COG7: variants seen among roughly 807,000 people sequenced by gnomAD.
COG7 encodes component of oligomeric golgi complex 7, also known as conserved oligomeric Golgi complex subunit 7.
COG7 carries 49 observed loss-of-function variants against 91.5 expected under a neutral mutation model. That is an observed-to-expected ratio of 0.54 (90% CI 0.43 to 0.68). The LOEUF (loss-of-function observed/expected upper bound fraction) is 0.68. COG7 is among the 30% of genes least tolerant of loss of function. The pLI is 0.00. For missense variants in COG7, 895 were observed against 961.3 expected (o/e 0.93, Z 0.91); for synonymous variants, 365 against 388.7 (o/e 0.94, Z 0.72).
At chr16:23,397,955 C>A in intron 14 of COG7, 91 bp downstream of exon 14, 1 of 1,110,648 alleles carries the variant, frequency 9.0e-7, no homozygotes, top group Non-Finnish European at 1.4e-6. Flanking sequence ...AGATAGCACC[C>A]ATGGGGAAAT....
chr16:23,415,944 C>T (rs1460795765), intron 9 of COG7: 1 of 152,112 alleles, frequency 6.6e-6, no homozygotes, highest in Non-Finnish European at 1.5e-5. Flanking sequence ...CAAAATCTTC[C>T]CTTTTAGAGA....
chr16:23,394,328 T>C (rs906834244), intron 14 of COG7, among the ~76,000 whole-genome samples: 1 of 152,228 alleles, frequency 6.6e-6, no homozygotes, highest in Admixed American at 6.5e-5. Context: ...CTTGGTCATG[T>C]GTTTGTCAGA....
intron 1 of COG7, among the ~76,000 whole-genome samples, chr16:23,448,313 CTAA>C (rs1411887760): frequency 6.6e-6 from 1 of 152,174 alleles, no homozygotes; most frequent in Non-Finnish European, 1.5e-5. Context: ...GTGTGATTCT[CTAA>C]TAATAACACT....
At position 23,408,955 on chromosome 16, in the gene COG7, T is replaced by G. The variant is rs538534076; in HGVS notation, c.1475+1340A>C. Among the ~76,000 whole-genome samples, 37 of 151,542 alleles carry G rather than the reference T, an allele frequency of 2.4e-4. No individual in the cohort carries two copies. The East Asian group carries it at 7.2e-3, about 30-fold the overall frequency. ...AGCTTCAAGTCAAGAACAGCCTGGG[T>G]GTATCCAAGGGAGCTCCTGAAAGAG... On this transcript the variant is annotated intron_variant, in intron 11 of 16. Coordinates refer to ENST00000307149, the MANE Select transcript of COG7 (RefSeq NM_153603.4).
intron 16 of COG7, chr16:23,392,116 T>C: frequency 7.3e-7 from 1 of 1,362,800 alleles, no homozygotes; most frequent in Non-Finnish European, 9.5e-7. Context: ...CAGGACTCGC[T>C]GAATCTTATC....
chr16:23,406,177 T>C lies in COG7; in HGVS notation c.1561A>G (p.Lys521Glu), dbSNP rs1963457853. 1 of 1,614,068 alleles carries C rather than the reference T, an allele frequency of 6.2e-7. No individual in the cohort carries two copies. Among genetic ancestry groups the C allele is most frequent in the Non-Finnish European group, 8.5e-7 (1 of 1,179,922 alleles). ...CATGGGTTCTTGGCAGAGTTCTTCTTGTCTGTCAAGATGCTCTCCTGAAAA... is the reference window on the plus strand; with the variant it reads ...CATGGGTTCTTGGCAGAGTTCTTCTCGTCTGTCAAGATGCTCTCCTGAAAA... ...AGFQESILTD[K>E]KNSAKNPWQE... The change falls in exon 12 of 17, where the codon AAG (lysine) becomes GAG (glutamate). Residue 521 changes from lysine (K) to glutamate (E), a missense_variant. Transcript: ENST00000307149.
Position 23,445,969 on chromosome 16 carries a change from TAAAAAA to T in COG7, c.170-14_170-9del, listed in dbSNP as rs71379679. The T allele has an allele frequency of 2.0e-6, 3 of 1,491,840 alleles. No individual in the cohort carries two copies. The highest frequency in any genetic ancestry group is 3.9e-5 in the Admixed American group (2 of 51,152). 92.4% of individuals were successfully genotyped at this position (1,491,840 alleles called of 1,614,324 possible). ...GAGCTTGGTGACTTGTTTCTGTAGT[TAAAAAA>T]AAAAAAAAAAACAACAACAACAGCG... On this transcript the variant is annotated splice_polypyrimidine_tract_variant and intron_variant, in intron 1 of 16. Transcript: ENST00000307149.
intron 14 of COG7, among the ~76,000 whole-genome samples, chr16:23,397,106 C>G (rs30019): frequency 0.21 from 31,953 of 151,934 alleles, 3,574 homozygotes; most frequent in East Asian, 0.29. Flanking sequence ...GCGGGGTCCC[C>G]CTATGTTGCC....
chr16:23,398,928 C>T (rs1963329310), intron 13 of COG7, among the ~76,000 whole-genome samples: 1 of 152,220 alleles, frequency 6.6e-6, no homozygotes, highest in Admixed American at 6.5e-5. Flanking sequence ...AGGACCTGTG[C>T]ACATGTGCTC....
intron 6 of COG7, among the ~76,000 whole-genome samples, chr16:23,430,322 G>A (rs1963914371): frequency 1.3e-5 from 2 of 151,932 alleles, no homozygotes; most frequent in Admixed American, 1.3e-4. Flanking sequence ...CCAGTACTCA[G>A]GAGGCTGAGA....
intron 11 of COG7, 107 bp downstream of exon 11, chr16:23,410,188 T>C (rs1963539333): frequency 1.2e-6 from 1 of 829,628 alleles, no homozygotes; most frequent in Non-Finnish European, 2.1e-6. Flanking sequence ...TCCAGCCCTG[T>C]GGCCTTCACA....
In COG7 at chr16:23,413,843, G is replaced by C. The variant is rs944019943; in HGVS notation, c.1293-279C>G. 7.9e-6 allele frequency: 3 copies of C among 379,618 alleles called. No homozygotes were observed. In the Admixed American group the frequency reaches 1.1e-4, roughly 14 times the overall value. 23.5% of individuals were successfully genotyped at this position (379,618 alleles called of 1,614,324 possible). A position where few individuals can be genotyped will look rare whatever the true frequency, so the allele number is the denominator to read the frequency against. ...GAAGTTGACTCCAGGGAGCAACCAG[G>C]TGAGAGATGATGCTGATAAATCCCC... On this transcript the variant is annotated intron_variant, in intron 9 of 16. Coordinates refer to ENST00000307149, the MANE Select transcript of COG7 (RefSeq NM_153603.4).
In COG7 at chr16:23,445,644, G is replaced by A. The variant is rs193093407; in HGVS notation, c.318+169C>T. ...CTGCAGCCTGCACTCCAGCTACAGA[G>A]CGACACTCTGTCTCAAAAAAAAAAG... On this transcript the variant is annotated intron_variant, in intron 2 of 16. Transcript: ENST00000307149. Among the ~76,000 whole-genome samples, 630 of 152,050 alleles carry A rather than the reference G, an allele frequency of 4.1e-3. 2 individuals are homozygous for A. Among genetic ancestry groups the A allele is most frequent in the Middle Eastern group, 0.034 (10 of 294 alleles).
intron 1 of COG7, chr16:23,447,395 G>GT (rs1173179543): frequency 8.6e-5 from 13 of 151,356 alleles, no homozygotes; most frequent in Non-Finnish European, 1.2e-4. Flanking sequence ...ATTTTTAGTA[G>GT]AGACGGGGTT....
intron 4 of COG7, among the ~76,000 whole-genome samples, chr16:23,435,376 A>G (rs543410203): frequency 6.6e-6 from 1 of 152,302 alleles, no homozygotes; most frequent in East Asian, 1.9e-4. Flanking sequence ...AAAACAAAGC[A>G]AAACAAAAAA....
At chr16:23,423,783 A>G (rs1334208142) in intron 7 of COG7, among the ~76,000 whole-genome samples, 1 of 152,270 alleles carries the variant, frequency 6.6e-6, no homozygotes, top group Non-Finnish European at 1.5e-5. Context: ...CTGATTTGAC[A>G]GCAACATGCG....
At chr16:23,451,192 C>CA (rs149516654) in intron 1 of COG7, among the ~76,000 whole-genome samples, 10,794 of 151,494 alleles carry the variant, frequency 0.071, 549 homozygotes, top group Non-Finnish European at 0.1. Context: ...GACTTCGTCT[C>CA]AAAAAAAACA....
At chr16:23,399,640 G>A (rs556771211) in intron 13 of COG7, among the ~76,000 whole-genome samples, 1 of 152,004 alleles carries the variant, frequency 6.6e-6, no homozygotes. Flanking sequence ...CGGTGTCAGA[G>A]GCAAGGAGCA....
chr16:23,445,510 G>A (rs112924133), intron 2 of COG7, among the ~76,000 whole-genome samples: 3 of 152,144 alleles, frequency 2.0e-5, no homozygotes, highest in African/African-American at 7.2e-5. Context: ...AAAATCAGCC[G>A]GGCATGGTGT....
Sources: allele counts gnomAD v4.1 joint callset (sites outside exome capture counted in the v4.1 genomes callset), GRCh38; gene constraint gnomAD v4.1.1; transcripts MANE v1.5; gene names NCBI Gene and HGNC (gene_info 2026-07-23, HGNC 2026-07-21).